PAPLN: variants seen among roughly 807,000 people sequenced by gnomAD.
PAPLN encodes papilin, proteoglycan like sulfated glycoprotein.
Under a neutral mutation model 159.0 loss-of-function variants are expected in PAPLN, and 146 were observed. That is an observed-to-expected ratio of 0.92 (90% CI 0.80 to 1.05). The LOEUF (loss-of-function observed/expected upper bound fraction) is 1.05, where lower values mean the gene tolerates loss of function less well. Ranked by LOEUF, PAPLN falls within the 50% of genes least tolerant of loss-of-function variation. The probability of loss-of-function intolerance (pLI) is 0.00; values close to 1 mark genes in which losing one functional copy is unlikely to be tolerated. For synonymous variants in PAPLN, 734 were observed against 702.9 expected, an observed-to-expected ratio of 1.04 and a Z score of -0.70; for missense variants, 1,720 against 1,743.9, an observed-to-expected ratio of 0.99 and a Z score of 0.24.
chr14:73,240,632 C>T (rs999693007), intron 2 of PAPLN, among the ~76,000 whole-genome samples: 5 of 152,052 alleles, frequency 3.3e-5, no homozygotes, highest in Admixed American at 1.3e-4. Flanking sequence ...CAGCCGCATG[C>T]GGCTAGTGGC....
intron 26 of PAPLN, among the ~76,000 whole-genome samples, chr14:73,271,828 TAC>T (rs1887757909): frequency 6.6e-6 from 1 of 151,892 alleles, no homozygotes; most frequent in Non-Finnish European, 1.5e-5. Context: ...AGTTATGAGA[TAC>T]AGACGTTCCT....
intron 23 of PAPLN, among the ~76,000 whole-genome samples, chr14:73,266,297 C>T (rs548519579): frequency 4.6e-5 from 7 of 152,276 alleles, no homozygotes; most frequent in Non-Finnish European, 7.4e-5. Flanking sequence ...ATCGCACCAC[C>T]GAAAGCGCCA....
At chr14:73,271,588 G>A (rs1382688761) in intron 26 of PAPLN, among the ~76,000 whole-genome samples, 1 of 151,698 alleles carries the variant, frequency 6.6e-6, no homozygotes, top group African/African-American at 2.4e-5. Context: ...TGTAACCTCT[G>A]CCTCCTGGGT....
rs201295896 is a variant in PAPLN at position 73,254,531 on chromosome 14, G to A, written c.1321G>A (p.Val441Ile). The A allele has an allele frequency of 4.3e-5, 70 of 1,613,906 alleles. No individual in the cohort carries two copies. The highest frequency in any genetic ancestry group is 3.1e-4 in the South Asian group (28 of 91,078). Residue 441 changes from valine (V) to isoleucine (I), a missense_variant, in exon 13 of 27, where the codon GTT (valine) becomes ATT (isoleucine). Transcript: ENST00000644200. The part of the protein sequence containing the change: ...PWGECSVSCG[V>I]GVRKRSVTCR... ...CTTGCAGTGTTCTGTCAGTTGTGGCGTTGGCGTCCGGAAGCGGAGCGTTAC... is the reference window on the plus strand; with the variant it reads ...CTTGCAGTGTTCTGTCAGTTGTGGCATTGGCGTCCGGAAGCGGAGCGTTAC...
chr14:73,264,601 C>G lies in PAPLN; in HGVS notation c.3000C>G (p.Ala1000=). Residue 1000 remains alanine, a synonymous_variant, in exon 22 of 27, where the codon GCC becomes GCG. Transcript: ENST00000644200. ...GCCTCATGACAGGGGGTGACATGGC[C>G]GTGCTGTCTGAGGCTGAGCTGAGCC... ...IQLRIIGGDM[A]VLSEAELSRF... The G allele has an allele frequency of 6.3e-7, 1 of 1,599,898 alleles. No individual in the cohort carries two copies. Among genetic ancestry groups the G allele is most frequent in the Non-Finnish European group, 8.5e-7 (1 of 1,176,250 alleles).
chr14:73,253,848 A>G lies in PAPLN; in HGVS notation c.1189A>G (p.Ile397Val). The change falls in exon 12 of 27, where the codon ATC (isoleucine) becomes GTC (valine). Residue 397 changes from isoleucine (I) to valine (V), a missense_variant. Transcript: ENST00000644200. ...CTGCATCTCGTCTGACGGGGCCGGC[A>G]TCCAGGAGGCCGTGGAGGAGGCTGA... is the stretch of plus-strand genomic sequence containing the variant. The part of the protein sequence containing the change: ...VYCISSDGAG[I>V]QEAVEEAECA... 1 of 1,613,644 alleles carries G rather than the reference A, an allele frequency of 6.2e-7. No homozygotes were observed. The highest frequency in any genetic ancestry group is 2.2e-5 in the East Asian group (1 of 44,866).
chr14:73,265,359 T>C lies in PAPLN; in HGVS notation c.3126-11T>C. The C allele has an allele frequency of 6.2e-7, 1 of 1,607,290 alleles. No individual in the cohort carries two copies. Among genetic ancestry groups the C allele is most frequent in the Non-Finnish European group, 8.5e-7 (1 of 1,179,508 alleles). ...AAGGGCCCCTCATGCTGTGGGCTGC[T>C]TGTTTGGCAGGCTGCGTTTGGACCA... On this transcript the variant is annotated splice_polypyrimidine_tract_variant and intron_variant, in intron 22 of 26. Coordinates refer to ENST00000644200, the MANE Select transcript of PAPLN (RefSeq NM_001365906.3). This position sits in a 1 kb window ranked among gnomAD's most constrained non-coding sequence, Gnocchi z 4.1.
intron 2 of PAPLN, 107 bp downstream of exon 2, chr14:73,239,939 A>G: frequency 2.8e-6 from 4 of 1,451,166 alleles, no homozygotes; most frequent in Non-Finnish European, 3.6e-6. Flanking sequence ...ATGTCAGGGA[A>G]GCTGGGCTGG....
chr14:73,253,233 T>G, intron 11 of PAPLN: 1 of 1,358,190 alleles, frequency 7.4e-7, no homozygotes, highest in African/African-American at 1.5e-5. Context: ...ACAGGTAACC[T>G]GCAGGTCACA....
rs761096957 is a variant in PAPLN, at chr14:73,246,135, G to A, written c.294G>A (p.Glu98=). 8.4e-5 allele frequency: 133 copies of A among 1,591,714 alleles called. 2 individuals carry two copies. In the Middle Eastern group the frequency reaches 2.3e-3, roughly 28 times the overall value. The stretch of plus-strand genomic sequence containing the variant: ...AGTGCGCGGAGTTCGACGGAGCGGA[G>A]TTCCAGGGGCGGCGGTATCGGTGGC... ...AEQCAEFDGA[E]FQGRRYRWLP... The change falls in exon 5 of 27, where the codon GAG becomes GAA. Residue 98 remains glutamate (E), a synonymous_variant. Coordinates refer to ENST00000644200, the MANE Select transcript of PAPLN (RefSeq NM_001365906.3).
chr14:73,262,089 A>AGCCCTG, intron 18 of PAPLN: 1 of 427,576 alleles, frequency 2.3e-6, no homozygotes, highest in Non-Finnish European at 4.1e-6. Context: ...CGGCCCAGGG[A>AGCCCTG]GCCCTGGCCC....
Position 73,268,274 on chromosome 14 carries a change from T to G in PAPLN, c.3501-283T>G, listed in dbSNP as rs570290500. 22 of 360,070 alleles carry G rather than the reference T, an allele frequency of 6.1e-5. No homozygotes were observed. In the South Asian group the frequency reaches 9.8e-4, roughly 16 times the overall value. 22.3% of individuals were successfully genotyped at this position (360,070 alleles called of 1,614,324 possible). ...ACTCTTGAGCTCCAGACTTCAAATC[T>G]GAGGCCTCCTGCTATCTCACAGGCA... is the stretch of plus-strand genomic sequence containing the variant. On this transcript the variant is annotated intron_variant, in intron 25 of 26. Coordinates refer to ENST00000644200, the MANE Select transcript of PAPLN (RefSeq NM_001365906.3).
At position 73,262,477 on chromosome 14, in the gene PAPLN, C is replaced by T. The variant is rs12586234; in HGVS notation, c.2373C>T (p.Ala791=). 1.4e-5 allele frequency: 23 copies of T among 1,607,198 alleles called. No individual in the cohort carries two copies. Among genetic ancestry groups the T allele is most frequent in the Non-Finnish European group, 2.0e-5 (23 of 1,176,712 alleles). Reference sequence around the variant, plus strand: ...GGTATGGCGGCTGCCATGGCAATGCCAATAACTTTGCCTCGGAGCAAGAGT... The same window carrying T: ...GGTATGGCGGCTGCCATGGCAATGCTAATAACTTTGCCTCGGAGCAAGAGT... ...RFWYGGCHGN[A]NNFASEQECM... Residue 791 remains alanine (A), a synonymous_variant, in exon 19 of 27, where the codon GCC becomes GCT. Coordinates refer to ENST00000644200, the MANE Select transcript of PAPLN (RefSeq NM_001365906.3).
intron 25 of PAPLN, among the ~76,000 whole-genome samples, chr14:73,267,627 G>A (rs920334943): frequency 1.3e-5 from 2 of 152,252 alleles, no homozygotes; most frequent in African/African-American, 2.4e-5. Flanking sequence ...GATAGGAACC[G>A]GCCTGTGCAC....
chr14:73,246,619 T>C (rs1884388374), intron 5 of PAPLN, among the ~76,000 whole-genome samples: 1 of 150,578 alleles, frequency 6.6e-6, no homozygotes, highest in Non-Finnish European at 1.5e-5. Flanking sequence ...CTTTCCTTTT[T>C]TTCTTTTCCT....
chr14:73,256,347 A>C (rs1885902606), intron 14 of PAPLN, among the ~76,000 whole-genome samples: 1 of 151,966 alleles, frequency 6.6e-6, no homozygotes, highest in South Asian at 2.1e-4. Context: ...CCTGGCCAAC[A>C]TTGTGAAATC....
At chr14:73,252,585 C>T (rs1009959174) in intron 10 of PAPLN, 64 bp from the exon 11 acceptor site, 8 of 1,573,620 alleles carry the variant, frequency 5.1e-6, no homozygotes, top group Non-Finnish European at 6.9e-6. Flanking sequence ...TGGCGCCTGG[C>T]CCAGGGAACG....
At chr14:73,248,695 C>T (rs925778660) in intron 5 of PAPLN, among the ~76,000 whole-genome samples, 5 of 151,874 alleles carry the variant, frequency 3.3e-5, no homozygotes, top group East Asian at 3.9e-4. Flanking sequence ...GGTTGCACAC[C>T]CATGTAGTCC....
chr14:73,239,789 T>C lies in PAPLN; in HGVS notation c.11T>C (p.Leu4Pro), dbSNP rs1232754081. ...CTCCCGCAGGCTGAGATGCGGCTGC[T>C]CCTGCTCGTGCCGCTGCTGCTGGCT... The part of the protein sequence containing the change: MRL[L>P]LLVPLLLAPA... The change falls in exon 2 of 27, where the codon CTC (leucine) becomes CCC (proline). Residue 4 changes from leucine (L) to proline (P), a missense_variant. Transcript: ENST00000644200. 1.3e-6 allele frequency: 2 copies of C among 1,593,936 alleles called. No homozygotes were observed. The highest frequency in any genetic ancestry group is 1.7e-5 in the Admixed American group (1 of 59,194).
Sources: gnomAD v4.1 joint callset for allele counts (sites outside exome capture counted in the v4.1 genomes callset) on GRCh38, gnomAD v4.1.1 for gene constraint, Gnocchi (gnomAD v3.1) non-coding constraint, MANE v1.5 for transcripts, NCBI Gene and HGNC (gene_info 2026-07-23, HGNC 2026-07-21) for gene names.